The following ATP6V0D2 variants were observed in gnomAD, a reference collection of about 807,000 sequenced individuals.
ATP6V0D2 encodes V-type proton ATPase subunit d 2.
A neutral mutation model predicts 40.0 loss-of-function variants in ATP6V0D2; 40 were observed. The observed-to-expected ratio is 1.00, with a 90% CI of 0.78 to 1.30. The LOEUF (loss-of-function observed/expected upper bound fraction) is 1.30, where lower values mean the gene tolerates loss of function less well. Among genes scored for constraint, ATP6V0D2 ranks in the 50% most tolerant of loss-of-function variants. ATP6V0D2 has a pLI of 0.00. For missense variants in ATP6V0D2, 470 were observed against 423.1 expected (o/e 1.11, Z -0.97); for synonymous variants, 179 against 156.3 (o/e 1.15, Z -1.08).
At chr8:86,120,620 A>G (rs1363695942) in intron 2 of ATP6V0D2, among the ~76,000 whole-genome samples, 1 of 152,178 alleles carries the variant, frequency 6.6e-6, no homozygotes, top group South Asian at 2.1e-4. Flanking sequence ...ACAGTCTCCA[A>G]CACTCTTGTA....
At chr8:86,108,006 T>C (rs529540311) in intron 1 of ATP6V0D2, among the ~76,000 whole-genome samples, 2 of 152,314 alleles carry the variant, frequency 1.3e-5, no homozygotes, top group Admixed American at 6.5e-5. Context: ...TTGGAAAAAT[T>C]CTGGTTTAGA....
In ATP6V0D2 at chr8:86,099,068, G is replaced by T; in HGVS notation, c.90G>T (p.Gln30His). 6.2e-7 allele frequency: 1 copy of T among 1,613,246 alleles called. No homozygotes were observed. Among genetic ancestry groups the T allele is most frequent in the Non-Finnish European group, 8.5e-7 (1 of 1,179,914 alleles). ...GATGCAAGGCCAGCCTCCTGACCCA[G>T]CAAGACTATATCAACCTGGTCCAGT... ...VRGCKASLLT[Q>H]QDYINLVQCE... Residue 30 changes from glutamine to histidine, a missense_variant, in exon 1 of 8, where the codon CAG (glutamine) becomes CAT (histidine). By Grantham distance (24) the Gln-to-His change is conservative. Transcript: ENST00000285393.
intron 2 of ATP6V0D2, among the ~76,000 whole-genome samples, chr8:86,135,665 G>C (rs1420118846): frequency 6.6e-6 from 1 of 152,142 alleles, no homozygotes; most frequent in South Asian, 2.1e-4. Flanking sequence ...TTTTGAAATT[G>C]AGTAATTTGC....
intron 2 of ATP6V0D2, among the ~76,000 whole-genome samples, chr8:86,133,316 CT>C (rs1242479597): frequency 0.08 from 6,160 of 77,144 alleles, 45 homozygotes; most frequent in East Asian, 0.19. Flanking sequence ...AACAGAAAGT[CT>C]TTTTTTTTTT....
intron 1 of ATP6V0D2, among the ~76,000 whole-genome samples, chr8:86,103,554 T>G (rs1227367454): frequency 1.3e-5 from 2 of 152,136 alleles, no homozygotes; most frequent in Non-Finnish European, 2.9e-5. Context: ...CAGCAGTGTC[T>G]TCAGGTAGGA....
At chr8:86,104,518 G>A (rs1330332169) in intron 1 of ATP6V0D2, among the ~76,000 whole-genome samples, 1 of 152,110 alleles carries the variant, frequency 6.6e-6, no homozygotes, top group African/African-American at 2.4e-5. Flanking sequence ...TAAAAAGTGG[G>A]ATAAATTTTA....
At chr8:86,104,538 T>A (rs539536948) in intron 1 of ATP6V0D2, among the ~76,000 whole-genome samples, 125 of 152,188 alleles carry the variant, frequency 8.2e-4, no homozygotes, top group African/African-American at 2.9e-3. Context: ...AAAAATATAC[T>A]TCCTATATGA....
Position 86,140,659 on chromosome 8 carries a change from G to A in ATP6V0D2, c.482-791G>A, listed in dbSNP as rs548833343. ...AAAGCCTTAAGTGAATAGCTCCAAG[G>A]TGTTGTGAAGATTAAATGAAAGTAT... is the stretch of plus-strand genomic sequence containing the variant. On this transcript the variant is annotated intron_variant, in intron 3 of 7. Coordinates refer to ENST00000285393, the MANE Select transcript of ATP6V0D2 (RefSeq NM_152565.1). 3.3e-5 allele frequency among the ~76,000 whole-genome samples: 5 copies of A among 152,242 alleles called. No individual in the cohort carries two copies. The South Asian group carries it at 8.3e-4, about 25-fold the overall frequency.
At chr8:86,149,305 T>C (rs564328641) in intron 5 of ATP6V0D2, among the ~76,000 whole-genome samples, 34 of 151,760 alleles carry the variant, frequency 2.2e-4, no homozygotes, top group African/African-American at 6.3e-4. Context: ...TGTAGAAACA[T>C]GGAGCTCAAA....
chr8:86,113,499 C>T (rs781402676), intron 1 of ATP6V0D2, among the ~76,000 whole-genome samples: 8 of 152,100 alleles, frequency 5.3e-5, no homozygotes, highest in Admixed American at 4.6e-4. Context: ...AAGAAAAACA[C>T]ATTTTCTGGT....
chr8:86,109,103 C>T (rs957740597), intron 1 of ATP6V0D2, among the ~76,000 whole-genome samples: 3 of 152,118 alleles, frequency 2.0e-5, no homozygotes, highest in South Asian at 2.1e-4. Flanking sequence ...GTAATTTTCC[C>T]AAGTGTGCTC....
At chr8:86,130,513 G>A (rs1216021808) in intron 2 of ATP6V0D2, among the ~76,000 whole-genome samples, 2 of 151,992 alleles carry the variant, frequency 1.3e-5, no homozygotes, top group Non-Finnish European at 2.9e-5. Context: ...ATCTCAGTGT[G>A]TGCAATGCTT....
chr8:86,114,904 C>A (rs1235670777), intron 2 of ATP6V0D2, among the ~76,000 whole-genome samples: 1 of 152,088 alleles, frequency 6.6e-6, no homozygotes, highest in Non-Finnish European at 1.5e-5. Context: ...GGTCCAAGCC[C>A]AGGTCTGGTG....
chr8:86,150,226 T>A lies in ATP6V0D2; in HGVS notation c.754T>A (p.Leu252Met), dbSNP rs759082096. 6.2e-7 allele frequency: 1 copy of A among 1,612,714 alleles called. No individual in the cohort carries two copies. Among genetic ancestry groups the A allele is most frequent in the African/African-American group, 1.3e-5 (1 of 74,614 alleles). The change falls in exon 6 of 8, where the codon TTG (leucine) becomes ATG (methionine). Residue 252 changes from leucine (L) to methionine (M), a missense_variant. Coordinates refer to ENST00000285393, the MANE Select transcript of ATP6V0D2 (RefSeq NM_152565.1). ...PTFGKLYPEGLRLLAQAEDFD... is the reference protein window; with the variant it reads ...PTFGKLYPEGMRLLAQAEDFD... Reference sequence around the variant, plus strand: ...CTTCGGCAAACTCTATCCTGAGGGGTTGCGGCTGTTGGCTCAAGCAGAAGA... The same window carrying A: ...CTTCGGCAAACTCTATCCTGAGGGGATGCGGCTGTTGGCTCAAGCAGAAGA...
At chr8:86,127,052 ATTGT>A (rs905696422) in intron 2 of ATP6V0D2, among the ~76,000 whole-genome samples, 3 of 152,200 alleles carry the variant, frequency 2.0e-5, no homozygotes, top group Non-Finnish European at 4.4e-5. Flanking sequence ...TGACAGCAAA[ATTGT>A]TTGCTTTTTC....
At chr8:86,145,409 A>G (rs921507296) in intron 5 of ATP6V0D2, among the ~76,000 whole-genome samples, 6 of 151,970 alleles carry the variant, frequency 3.9e-5, no homozygotes, top group Non-Finnish European at 7.4e-5. Flanking sequence ...AAAAGAAAAG[A>G]AAAGAAAAGA....
chr8:86,110,410 T>G lies in ATP6V0D2; in HGVS notation c.131-3299T>G, dbSNP rs56980905. Among the ~76,000 whole-genome samples, 1,021 of 152,320 alleles carry G rather than the reference T, an allele frequency of 6.7e-3. 77 individuals are homozygous for G. In the East Asian group the frequency reaches 0.16, roughly 24 times the overall value. On this transcript the variant is annotated intron_variant, in intron 1 of 7. Coordinates refer to ENST00000285393, the MANE Select transcript of ATP6V0D2 (RefSeq NM_152565.1). ...ACGCCCAGCCTATGGTGTTTTAATA[T>G]ATGTATTAATTGTGGTATCAACCAA... is the stretch of plus-strand genomic sequence containing the variant.
chr8:86,135,625 G>A (rs1818886144), intron 2 of ATP6V0D2, among the ~76,000 whole-genome samples: 1 of 152,168 alleles, frequency 6.6e-6, no homozygotes, highest in Admixed American at 6.5e-5. Flanking sequence ...AAAAGAATCA[G>A]CATTTAAAGA....
At chr8:86,145,814 A>G (rs1819061932) in intron 5 of ATP6V0D2, among the ~76,000 whole-genome samples, 1 of 152,260 alleles carries the variant, frequency 6.6e-6, no homozygotes, top group African/African-American at 2.4e-5. Flanking sequence ...TAAAAGTTAT[A>G]TCAAGACTCA....
Sources: gnomAD v4.1 joint callset for allele counts (sites outside exome capture counted in the v4.1 genomes callset) on GRCh38, gnomAD v4.1.1 for gene constraint, MANE v1.5 for transcripts, NCBI Gene and HGNC (gene_info 2026-07-23, HGNC 2026-07-21) for gene names.